The following SPRYD4 variants were observed in gnomAD, a reference collection of about 807,000 sequenced individuals.
SPRYD4 encodes the protein SPRY domain containing 4.
A neutral mutation model predicts 16.6 loss-of-function variants in SPRYD4; 12 were observed. That is an observed-to-expected ratio of 0.72 (90% CI 0.46 to 1.17). The LOEUF (loss-of-function observed/expected upper bound fraction) is 1.17. Ranked by LOEUF, SPRYD4 falls within the 50% of genes most tolerant of loss-of-function variation. The probability of loss-of-function intolerance (pLI) is 0.00; values close to 1 mark genes in which losing one functional copy is unlikely to be tolerated. For missense variants in SPRYD4, 260 were observed against 260.2 expected (o/e 1.00, Z 0.00); for synonymous variants, 98 against 105.4 (o/e 0.93, Z 0.43).
chr12:56,473,285 G>T lies in SPRYD4; in HGVS notation c.*3708G>T. 1 of 1,614,110 alleles carries T rather than the reference G, an allele frequency of 6.2e-7. No homozygotes were observed. Among genetic ancestry groups the T allele is most frequent in the East Asian group, 2.2e-5 (1 of 44,888 alleles). On this transcript the variant is annotated 3_prime_UTR_variant, in exon 2 of 2. Coordinates refer to ENST00000338146, the MANE Select transcript of SPRYD4 (RefSeq NM_207344.4). The stretch of plus-strand genomic sequence containing the variant: ...ACTTCCGAGCACAGTGCCTCAGGTT[G>T]TCATAGTTGTGGAAATTGAAGAGAG...
chr12:56,471,540 C>G lies in SPRYD4; in HGVS notation c.*1963C>G. The G allele has an allele frequency of 6.2e-7, 1 of 1,614,132 alleles. No individual in the cohort carries two copies. Among genetic ancestry groups the G allele is most frequent in the Non-Finnish European group, 8.5e-7 (1 of 1,180,016 alleles). On this transcript the variant is annotated 3_prime_UTR_variant, in exon 2 of 2. Coordinates refer to ENST00000338146, the MANE Select transcript of SPRYD4 (RefSeq NM_207344.4). The stretch of plus-strand genomic sequence containing the variant: ...GACAGGGCCTCAGCTGCTGCCTCAG[C>G]CTGAGTTTCAGAGAGTGTGTAGGAG...
At position 56,468,599 on chromosome 12, in the gene SPRYD4, T is replaced by C. The variant is rs1349432731; in HGVS notation, c.8T>C (p.Leu3Pro). The C allele has an allele frequency of 6.2e-7, 1 of 1,613,336 alleles. No homozygotes were observed. Residue 3 changes from leucine to proline, a missense_variant, in exon 1 of 2, where the codon CTG becomes CCG. Leu to Pro is a moderately conservative substitution (Grantham distance 98). Coordinates refer to ENST00000338146, the MANE Select transcript of SPRYD4 (RefSeq NM_207344.4). MA[L>P]LFARSLRLCR... is the part of the protein sequence containing the mutation. ...GTTCATCCAAGGCGCAAGATGGCGC[T>C]GCTTTTTGCACGTTCTTTGCGCTTG... is the stretch of plus-strand genomic sequence containing the variant.
In SPRYD4 at chr12:56,468,725, A is replaced by G. The variant is rs371299225; in HGVS notation, c.85+49A>G. ...TTTACCTCCAGAATGGCTGCCGTCT[A>G]TTATTCCCAGACCCCACTCCGAGAA... On this transcript the variant is annotated intron_variant, in intron 1 of 1. Coordinates refer to ENST00000338146, the MANE Select transcript of SPRYD4 (RefSeq NM_207344.4). 1,164 of 1,583,544 alleles carry G rather than the reference A, an allele frequency of 7.4e-4. 3 individuals carry two copies. The highest frequency in any genetic ancestry group is 4.8e-3 in the African/African-American group (355 of 74,462).
At position 56,473,267 on chromosome 12, in the gene SPRYD4, A is replaced by C; in HGVS notation, c.*3690A>C. The C allele has an allele frequency of 6.2e-7, 1 of 1,614,102 alleles. No homozygotes were observed. The highest frequency in any genetic ancestry group is 8.5e-7 in the Non-Finnish European group (1 of 1,180,016). ...CTTCACGCCGTGGGTCTAACTTCCG[A>C]GCACAGTGCCTCAGGTTGTCATAGT... On this transcript the variant is annotated 3_prime_UTR_variant, in exon 2 of 2. Transcript: ENST00000338146.
At position 56,474,492 on chromosome 12, in the gene SPRYD4, C is replaced by T; in HGVS notation, c.*4915C>T. The T allele has an allele frequency of 1.9e-6, 3 of 1,605,700 alleles. No homozygotes were observed. The highest frequency in any genetic ancestry group is 2.5e-6 in the Non-Finnish European group (3 of 1,176,842). Reference sequence around the variant, plus strand: ...TCTATCTTGAGAGAGTCAGTGTTCTCTCTTCTTAGCACTGGGCTCATGACA... The same window carrying T: ...TCTATCTTGAGAGAGTCAGTGTTCTTTCTTCTTAGCACTGGGCTCATGACA... On this transcript the variant is annotated 3_prime_UTR_variant, in exon 2 of 2. Transcript: ENST00000338146.
Position 56,472,923 on chromosome 12 carries a change from T to C in SPRYD4, c.*3346T>C, listed in dbSNP as rs1869430834. The stretch of plus-strand genomic sequence containing the variant: ...TTTTTTTTGAGACGGAGTCTCGCTC[T>C]GTCGTTCAGGCTGAAGTGTAGTGGC... On this transcript the variant is annotated 3_prime_UTR_variant, in exon 2 of 2. Coordinates refer to ENST00000338146, the MANE Select transcript of SPRYD4 (RefSeq NM_207344.4). 3 of 610,220 alleles carry C rather than the reference T, an allele frequency of 4.9e-6. No individual in the cohort carries two copies. Among genetic ancestry groups the C allele is most frequent in the South Asian group, 4.1e-5 (2 of 48,244 alleles). 37.8% of individuals were successfully genotyped at this position (610,220 alleles called of 1,614,324 possible).
chr12:56,479,467 A>G lies in SPRYD4; in HGVS notation c.*9890A>G, dbSNP rs1870110544. On this transcript the variant is annotated 3_prime_UTR_variant, in exon 2 of 2. Transcript: ENST00000338146. ...TACCTTGATATTTAAAAAATCCTAA[A>G]TCATAAAAGTATATTTATATATATT... 2.6e-6 allele frequency: 1 copy of G among 386,804 alleles called. No homozygotes were observed. Among genetic ancestry groups the G allele is most frequent in the Non-Finnish European group, 4.5e-6 (1 of 221,032 alleles). The allele number at this position is 386,804 out of a possible 1,614,324, so 24.0% of individuals were successfully genotyped here.
At position 56,476,664 on chromosome 12, in the gene SPRYD4, G is replaced by A. The variant is rs1248852817; in HGVS notation, c.*7087G>A. 1 of 150,844 alleles carries A rather than the reference G, an allele frequency of 6.6e-6. No individual in the cohort carries two copies. The highest frequency in any genetic ancestry group is 1.5e-5 in the Non-Finnish European group (1 of 67,962). The allele number at this position is 150,844 out of a possible 1,614,324, so 9.3% of individuals were successfully genotyped here. A position where few individuals can be genotyped will look rare whatever the true frequency, so the allele number is the denominator to read the frequency against. ...GCTGGAGTGCAGTGGCAGGATCTCG[G>A]CTCAACTGCAAGCTCCGCCTCCCGG... On this transcript the variant is annotated 3_prime_UTR_variant, in exon 2 of 2. Coordinates refer to ENST00000338146, the MANE Select transcript of SPRYD4 (RefSeq NM_207344.4).
In SPRYD4 at chr12:56,479,076, A is replaced by G. The variant is rs375809191; in HGVS notation, c.*9499A>G. 3 of 1,613,522 alleles carry G rather than the reference A, an allele frequency of 1.9e-6. No individual in the cohort carries two copies. The highest frequency in any genetic ancestry group is 4.5e-5 in the East Asian group (2 of 44,862). On this transcript the variant is annotated 3_prime_UTR_variant, in exon 2 of 2. Coordinates refer to ENST00000338146, the MANE Select transcript of SPRYD4 (RefSeq NM_207344.4). ...CTTTGCCTCCAGTGAGCTCTTTGAC[A>G]TCCTCAAAGATGCGATCCACATGGC... is the stretch of plus-strand genomic sequence containing the variant.
chr12:56,472,380 T>A lies in SPRYD4; in HGVS notation c.*2803T>A, dbSNP rs568883105. 1 of 618,252 alleles carries A rather than the reference T, an allele frequency of 1.6e-6. No homozygotes were observed. Among genetic ancestry groups the A allele is most frequent in the African/African-American group, 1.8e-5 (1 of 54,148 alleles). 38.3% of individuals were successfully genotyped at this position (618,252 alleles called of 1,614,324 possible). ...GACTGTTATACTCATATTAGAGAGA[T>A]GGGAATGTGATCCTTCCAGAAATAT... On this transcript the variant is annotated 3_prime_UTR_variant, in exon 2 of 2. Coordinates refer to ENST00000338146, the MANE Select transcript of SPRYD4 (RefSeq NM_207344.4).
Position 56,472,280 on chromosome 12 carries a change from G to A in SPRYD4, c.*2703G>A. On this transcript the variant is annotated 3_prime_UTR_variant, in exon 2 of 2. Transcript: ENST00000338146. The stretch of plus-strand genomic sequence containing the variant: ...TTTGTGAACTGGTGTCAGACTGGAT[G>A]AGTTTCAGAGAAAGTGAAACAGCCT... 1 of 1,249,880 alleles carries A rather than the reference G, an allele frequency of 8.0e-7. No homozygotes were observed. Among genetic ancestry groups the A allele is most frequent in the South Asian group, 1.2e-5 (1 of 81,232 alleles). 77.4% of individuals were successfully genotyped at this position (1,249,880 alleles called of 1,614,324 possible).
rs1467580466 is a variant in SPRYD4 at position 56,471,419 on chromosome 12, GTGGTTA to G, written c.*1846_*1851del. On this transcript the variant is annotated 3_prime_UTR_variant, in exon 2 of 2. Coordinates refer to ENST00000338146, the MANE Select transcript of SPRYD4 (RefSeq NM_207344.4). ...AGTGTAGCTCTCCATAGTATTTTTG[GTGGTTA>G]TGGATTACATGTGTGGCCAGCTCAT... The G allele has an allele frequency of 1.3e-5, 20 of 1,489,350 alleles. No homozygotes were observed. The highest frequency in any genetic ancestry group is 1.8e-5 in the Non-Finnish European group (20 of 1,105,796). 92.3% of individuals were successfully genotyped at this position (1,489,350 alleles called of 1,614,324 possible). A position where few individuals can be genotyped will look rare whatever the true frequency, so the allele number is the denominator to read the frequency against.
intron 1 of SPRYD4, 91 bp downstream of exon 1, chr12:56,468,767 C>A (rs971700854): frequency 3.2e-5 from 45 of 1,393,062 alleles, no homozygotes; most frequent in Non-Finnish European, 4.2e-5. Context: ...CCAACCCTCT[C>A]GGGTCTTTTC....
rs986557435 is a variant in SPRYD4, at chr12:56,474,359, CTT to C, written c.*4784_*4785del. On this transcript the variant is annotated 3_prime_UTR_variant, in exon 2 of 2. Coordinates refer to ENST00000338146, the MANE Select transcript of SPRYD4 (RefSeq NM_207344.4). ...CTGCCTCGGCCTCCCAAAGACATCT[CTT>C]TATATATTCGAGGAACTTGGTGTTT... The C allele has an allele frequency of 8.5e-6, 6 of 705,872 alleles. No individual in the cohort carries two copies. The African/African-American group carries it at 1.1e-4, about 13-fold the overall frequency. 43.7% of individuals were successfully genotyped at this position (705,872 alleles called of 1,614,324 possible).
rs1592278970 is a variant in SPRYD4 at position 56,478,921 on chromosome 12, T to G, written c.*9344T>G. 1 of 1,123,714 alleles carries G rather than the reference T, an allele frequency of 8.9e-7. No homozygotes were observed. The allele number at this position is 1,123,714 out of a possible 1,614,324, so 69.6% of individuals were successfully genotyped here. On this transcript the variant is annotated 3_prime_UTR_variant, in exon 2 of 2. Coordinates refer to ENST00000338146, the MANE Select transcript of SPRYD4 (RefSeq NM_207344.4). ...ATCGCTTGAACCTGGGAGGTGGAGGTTGCAGTGAGCTGAGATTGCACCATT... is the reference window on the plus strand; with the variant it reads ...ATCGCTTGAACCTGGGAGGTGGAGGGTGCAGTGAGCTGAGATTGCACCATT...
rs1170754442 is a variant in SPRYD4, at chr12:56,477,741, G to T, written c.*8164G>T. Reference sequence around the variant, plus strand: ...TTCCTGGGGAAATACAAACCACCAAGAGTCTTAGCCACTGAACAAAGCCTC... The same window carrying T: ...TTCCTGGGGAAATACAAACCACCAATAGTCTTAGCCACTGAACAAAGCCTC... On this transcript the variant is annotated 3_prime_UTR_variant, in exon 2 of 2. Coordinates refer to ENST00000338146, the MANE Select transcript of SPRYD4 (RefSeq NM_207344.4). The T allele has an allele frequency of 6.2e-7, 1 of 1,607,538 alleles. No individual in the cohort carries two copies. Among genetic ancestry groups the T allele is most frequent in the Non-Finnish European group, 8.5e-7 (1 of 1,176,704 alleles).
chr12:56,471,396 T>C lies in SPRYD4; in HGVS notation c.*1819T>C. The C allele has an allele frequency of 2.9e-6, 4 of 1,373,294 alleles. No homozygotes were observed. The highest frequency in any genetic ancestry group is 3.9e-6 in the Non-Finnish European group (4 of 1,015,166). The allele number at this position is 1,373,294 out of a possible 1,614,324, so 85.1% of individuals were successfully genotyped here. ...GACTGCTTGGTCCCCACTGAAGCAG[T>C]GTAGCTCTCCATAGTATTTTTGGTG... On this transcript the variant is annotated 3_prime_UTR_variant, in exon 2 of 2. Transcript: ENST00000338146.
At position 56,472,299 on chromosome 12, in the gene SPRYD4, A is replaced by C. The variant is rs1592271934; in HGVS notation, c.*2722A>C. 1.5e-4 allele frequency: 149 copies of C among 1,020,918 alleles called. No homozygotes were observed. The highest frequency in any genetic ancestry group is 3.6e-5 in the Admixed American group (2 of 55,318). The allele number at this position is 1,020,918 out of a possible 1,614,324, so 63.2% of individuals were successfully genotyped here. ...CTGGATGAGTTTCAGAGAAAGTGAA[A>C]CAGCCTATAGCCAGATTTGTTGGCT... On this transcript the variant is annotated 3_prime_UTR_variant, in exon 2 of 2. Coordinates refer to ENST00000338146, the MANE Select transcript of SPRYD4 (RefSeq NM_207344.4).
At position 56,475,052 on chromosome 12, in the gene SPRYD4, C is replaced by T. The variant is rs746359353; in HGVS notation, c.*5475C>T. ...CGGCCTCTTCTGGTTACCTTCTTTT[C>T]CTTGAGATAATAGCCGATGGCATAA... On this transcript the variant is annotated 3_prime_UTR_variant, in exon 2 of 2. Coordinates refer to ENST00000338146, the MANE Select transcript of SPRYD4 (RefSeq NM_207344.4). 24 of 1,614,072 alleles carry T rather than the reference C, an allele frequency of 1.5e-5. No individual in the cohort carries two copies. The highest frequency in any genetic ancestry group is 1.1e-5 in the Non-Finnish European group (13 of 1,180,046).
Sources: allele counts gnomAD v4.1 joint callset, GRCh38; gene constraint gnomAD v4.1.1; transcripts MANE v1.5; gene names NCBI Gene and HGNC (gene_info 2026-07-23, HGNC 2026-07-21).